Variants in KIFBP observed in about 807,000 individuals in gnomAD.
The protein encoded by KIFBP is kinesin family binding protein.
A neutral mutation model predicts 58.9 loss-of-function variants in KIFBP; 46 were observed. The observed-to-expected ratio is 0.78, with a 90% CI of 0.62 to 1.00. KIFBP has a LOEUF of 1.00. KIFBP is among the 50% of genes least tolerant of loss of function. The pLI, the probability that KIFBP is intolerant of heterozygous loss-of-function variation, is 0.00. For missense variants in KIFBP, 651 were observed against 752.9 expected, an observed-to-expected ratio of 0.86 and a Z score of 1.58; for synonymous variants, 241 against 283.4, an observed-to-expected ratio of 0.85 and a Z score of 1.50.
intron 4 of KIFBP, chr10:69,007,868 T>A (rs888480446): frequency 2.6e-5 from 4 of 152,204 alleles, no homozygotes; most frequent in African/African-American, 9.7e-5. Flanking sequence ...AAATACAAAA[T>A]GTTTCTATTA....
intron 4 of KIFBP, among the ~76,000 whole-genome samples, chr10:69,008,418 A>ATATT (rs1159262992): frequency 7.2e-6 from 1 of 139,598 alleles, no homozygotes; most frequent in South Asian, 2.2e-4. Flanking sequence ...ATATATATAT[A>ATATT]TTCAGTCTTC....
At position 69,015,554 on chromosome 10, in the gene KIFBP, A is replaced by G. The variant is rs774495984; in HGVS notation, c.1004A>G (p.Glu335Gly). 11 of 1,613,478 alleles carry G rather than the reference A, an allele frequency of 6.8e-6. No individual in the cohort carries two copies. Among genetic ancestry groups the G allele is most frequent in the East Asian group, 2.2e-5 (1 of 44,864 alleles). Reference protein sequence around the residue: ...AQLSMQDNIGELDLDKQSELR... With the variant: ...AQLSMQDNIGGLDLDKQSELR... ...TTTTTCCTTCAGGACAACATAGGAG[A>G]GCTTGATCTTGATAAACAGTCTGAA... is the stretch of plus-strand genomic sequence containing the variant. Residue 335 changes from glutamate (E) to glycine (G), a missense_variant, in exon 7 of 7, where the codon GAG (glutamate) becomes GGG (glycine). By Grantham distance (98) the Glu-to-Gly change is moderately conservative. Coordinates refer to ENST00000361983, the MANE Select transcript of KIFBP (RefSeq NM_015634.4).
chr10:69,012,810 T>A (rs1843609004), intron 6 of KIFBP, among the ~76,000 whole-genome samples: 1 of 152,044 alleles, frequency 6.6e-6, no homozygotes, highest in South Asian at 2.1e-4. Context: ...GGAGAATCAC[T>A]TGAGCCCAGG....
rs530965435 is a variant in KIFBP, at chr10:69,010,952, A to G, written c.927A>G (p.Glu309=). 2 of 1,614,158 alleles carry G rather than the reference A, an allele frequency of 1.2e-6. No homozygotes were observed. The highest frequency in any genetic ancestry group is 4.5e-5 in the East Asian group (2 of 44,884). ...VPELYHQRKG[E]IARCWIKYCL... ...AGCTTTATCATCAAAGAAAGGGGGA[A>G]ATAGCAAGGTGCTGGATCAAATACT... Residue 309 remains glutamate, a synonymous_variant, in exon 6 of 7, where the codon GAA becomes GAG. Transcript: ENST00000361983.
chr10:69,013,309 T>C (rs531714468), intron 6 of KIFBP, among the ~76,000 whole-genome samples: 7 of 151,900 alleles, frequency 4.6e-5, no homozygotes, highest in Non-Finnish European at 1.0e-4. Flanking sequence ...GAAGCATAGG[T>C]CTTGAAAAGA....
chr10:69,015,432 G>A, intron 6 of KIFBP, 109 bp from the exon 7 acceptor site: 2 of 1,054,348 alleles, frequency 1.9e-6, no homozygotes, highest in Non-Finnish European at 2.8e-6. Flanking sequence ...AAACCAGGCT[G>A]GAAAGTAAGA....
rs1466988501 is a variant in KIFBP at position 69,016,607 on chromosome 10, G to A, written c.*191G>A. The A allele has an allele frequency of 1.7e-6, 1 of 573,284 alleles. No homozygotes were observed. The highest frequency in any genetic ancestry group is 1.9e-5 in the African/African-American group (1 of 53,630). 35.5% of individuals were successfully genotyped at this position (573,284 alleles called of 1,614,324 possible). A position where few individuals can be genotyped will look rare whatever the true frequency, so the allele number is the denominator to read the frequency against. ...TAATTAAAAACTTACACCTAATTAT[G>A]TAAATTGCCTTGTTAAAGACATGTG... On this transcript the variant is annotated 3_prime_UTR_variant, in exon 7 of 7. Transcript: ENST00000361983.
chr10:69,007,865 A>G (rs1289955058), intron 4 of KIFBP: 1 of 152,196 alleles, frequency 6.6e-6, no homozygotes, highest in African/African-American at 2.4e-5. Context: ...GACAAATACA[A>G]AATGTTTCTA....
intron 4 of KIFBP, among the ~76,000 whole-genome samples, chr10:69,007,972 G>T (rs974280699): frequency 1.3e-5 from 2 of 152,156 alleles, no homozygotes; most frequent in Non-Finnish European, 2.9e-5. Context: ...GTTCCATAAG[G>T]TTCATCTGTA....
chr10:69,010,351 T>C (rs1843578094), intron 5 of KIFBP, among the ~76,000 whole-genome samples: 1 of 152,226 alleles, frequency 6.6e-6, no homozygotes, highest in Non-Finnish European at 1.5e-5. Flanking sequence ...TGCACAATTA[T>C]ACTCATGTTT....
chr10:68,990,036 T>C (rs1007892532), intron 1 of KIFBP, among the ~76,000 whole-genome samples: 7 of 152,176 alleles, frequency 4.6e-5, no homozygotes, highest in African/African-American at 1.7e-4. Flanking sequence ...ATGTCCAAAA[T>C]CTGCAGCTTC....
intron 2 of KIFBP, among the ~76,000 whole-genome samples, chr10:69,004,376 T>C (rs1189711486): frequency 6.6e-6 from 1 of 150,568 alleles, no homozygotes; most frequent in African/African-American, 2.5e-5. Flanking sequence ...TCTAAATAAA[T>C]AAATAAGAAT....
chr10:68,989,582 T>C, intron 1 of KIFBP: 1 of 453,938 alleles, frequency 2.2e-6, no homozygotes, highest in African/African-American at 2.0e-5. Context: ...TCATGCGCTT[T>C]CCTCTCCACC....
At chr10:68,999,368 A>C (rs1469222872) in intron 1 of KIFBP, among the ~76,000 whole-genome samples, 1 of 151,134 alleles carries the variant, frequency 6.6e-6, no homozygotes, top group Non-Finnish European at 1.5e-5. Flanking sequence ...AAAGTGCTAG[A>C]ATTACAGGCG....
chr10:69,005,871 T>G lies in KIFBP; in HGVS notation c.745T>G (p.Trp249Gly). ...LEHNAYHPIE[W>G]AINAATLSQF... ...GCACAATGCCTACCATCCTATAGAG[T>G]GGGCTATCAATGCTGCTACCTTGTC... The change falls in exon 4 of 7, where the codon TGG becomes GGG. Residue 249 changes from tryptophan to glycine, a missense_variant. By Grantham distance (184) the Trp-to-Gly change is radical. Coordinates refer to ENST00000361983, the MANE Select transcript of KIFBP (RefSeq NM_015634.4). 1 of 1,614,056 alleles carries G rather than the reference T, an allele frequency of 6.2e-7. No homozygotes were observed. Among genetic ancestry groups the G allele is most frequent in the Non-Finnish European group, 8.5e-7 (1 of 1,180,008 alleles).
chr10:69,008,700 A>G (rs998184423), intron 4 of KIFBP, 141 bp from the exon 5 acceptor site: 1 of 729,556 alleles, frequency 1.4e-6, no homozygotes, highest in Non-Finnish European at 2.5e-6. Flanking sequence ...CTTCTGAATG[A>G]TCTGCAACTC....
intron 2 of KIFBP, among the ~76,000 whole-genome samples, chr10:69,003,943 G>A (rs570517184): frequency 2.0e-5 from 3 of 152,080 alleles, no homozygotes; most frequent in African/African-American, 4.8e-5. Context: ...AAGAGGGGTC[G>A]GGCACGGTGG....
intron 1 of KIFBP, 185 bp downstream of exon 1, chr10:68,989,443 T>C (rs1468120423): frequency 1.5e-6 from 1 of 651,408 alleles, no homozygotes; most frequent in African/African-American, 1.8e-5. Context: ...CTTATTGCCT[T>C]GTAACTAGAT....
intron 1 of KIFBP, among the ~76,000 whole-genome samples, chr10:68,991,977 T>C (rs1843352731): frequency 6.6e-6 from 1 of 151,836 alleles, no homozygotes; most frequent in African/African-American, 2.4e-5. Context: ...GTGGGTTTTT[T>C]TTTTTGCTTG....
Sources: allele counts gnomAD v4.1 joint callset (sites outside exome capture counted in the v4.1 genomes callset), GRCh38; gene constraint gnomAD v4.1.1; transcripts MANE v1.5; gene names NCBI Gene and HGNC (gene_info 2026-07-23, HGNC 2026-07-21).